RIF1: variants seen among roughly 807,000 people sequenced by gnomAD.
RIF1 encodes the protein replication timing regulatory factor 1, also known as telomere-associated protein RIF1.
Under a neutral mutation model 247.1 loss-of-function variants are expected in RIF1, and 45 were observed. The observed-to-expected ratio is 0.18, with a 90% confidence interval of 0.14 to 0.23. The LOEUF is 0.23. RIF1 is among the 10% of genes least tolerant of loss of function. The pLI is 1.00. For synonymous variants in RIF1, 1,087 were observed against 978.8 expected (o/e 1.11, Z -2.06); for missense variants, 2,967 against 2,862.5 (o/e 1.04, Z -0.83).
chr2:151,505,688 C>T, intron 12 of RIF1: 1 of 816,738 alleles, frequency 1.2e-6, no homozygotes, highest in Non-Finnish European at 2.1e-6. Flanking sequence ...GTAAATAACG[C>T]AGGCTTTATA....
At position 151,438,688 on chromosome 2, in the gene RIF1, G is replaced by C; in HGVS notation, c.1488G>C (p.Val496=). The C allele has an allele frequency of 1.9e-6, 3 of 1,610,480 alleles. No individual in the cohort carries two copies. Among genetic ancestry groups the C allele is most frequent in the East Asian group, 2.2e-5 (1 of 44,820 alleles). ...CAAGTTTATTTTGTTTGACAGATGT[G>C]GTTGTCAGTGCTATCTGGAAGGAGC... The part of the protein sequence containing the change: ...FVAVGKDAPD[V]VVSAIWKELI... Residue 496 remains valine, a synonymous_variant, in exon 14 of 36, where the codon GTG becomes GTC. Coordinates refer to ENST00000444746, the MANE Select transcript of RIF1 (RefSeq NM_018151.5).
chr2:151,436,648 A>G (rs1347629981), intron 11 of RIF1, among the ~76,000 whole-genome samples, 179 bp from the exon 12 acceptor site: 1 of 151,978 alleles, frequency 6.6e-6, no homozygotes, highest in South Asian at 2.1e-4. Context: ...TTTGTTTGCC[A>G]TCTGAGTCTT....
chr2:151,479,707 C>G lies in RIF1; in HGVS notation c.*4636C>G, dbSNP rs1420818129. The stretch of plus-strand genomic sequence containing the variant: ...AGATGGAGTTGAATAATATGATTCT[C>G]GAAAAGTGAGTTTTTCTTGGAATTC... On this transcript the variant is annotated 3_prime_UTR_variant, in exon 36 of 36. Coordinates refer to ENST00000444746, the MANE Select transcript of RIF1 (RefSeq NM_018151.5). The G allele has an allele frequency of 6.6e-6, 1 of 152,008 alleles. No individual in the cohort carries two copies. The highest frequency in any genetic ancestry group is 1.5e-5 in the Non-Finnish European group (1 of 68,000). The allele number at this position is 152,008 out of a possible 1,614,324, so 9.4% of individuals were successfully genotyped here.
At chr2:151,486,958 AAAATT>A (rs1282277944), downstream of RIF1, among the ~76,000 whole-genome samples, 8 of 152,226 alleles carry the variant, frequency 5.3e-5, no homozygotes, top group East Asian at 1.2e-3. Context: ...AAAGTATTCT[AAAATT>A]AGATTATGGA....
the RIF1 span, chr2:151,514,839 A>G: frequency 1.3e-5 from 21 of 1,580,704 alleles, no homozygotes; most frequent in Non-Finnish European, 1.5e-5. Context: ...TTTTAGTTGC[A>G]TATTTGACAT....
At chr2:151,495,884 T>C (rs1202482051) in intron 10 of RIF1, among the ~76,000 whole-genome samples, 7 of 152,260 alleles carry the variant, frequency 4.6e-5, no homozygotes, top group East Asian at 3.9e-4. Context: ...CCTGAAGTCA[T>C]TGACACAAAA....
At chr2:151,440,365 G>A (rs1242074015) in intron 15 of RIF1, among the ~76,000 whole-genome samples, 2 of 151,962 alleles carry the variant, frequency 1.3e-5, no homozygotes, top group African/African-American at 2.4e-5. Context: ...AAAAGTATCC[G>A]CCATACAGAG....
At chr2:151,471,952 A>G (rs986899111) in intron 34 of RIF1, among the ~76,000 whole-genome samples, 16 of 152,282 alleles carry the variant, frequency 1.1e-4, no homozygotes, top group African/African-American at 3.8e-4. Flanking sequence ...TCTATAAATT[A>G]CCTTGGGCAG....
Position 151,461,316 on chromosome 2 carries a change from G to C in RIF1, c.3227+27G>C, listed in dbSNP as rs201028450. On this transcript the variant is annotated intron_variant, in intron 27 of 35. Coordinates refer to ENST00000444746, the MANE Select transcript of RIF1 (RefSeq NM_018151.5). ...TTTGTAGGCCTTTTATCTTGAGTTG[G>C]GTATTTGGTATTCAGGCTTAGATTT... is the stretch of plus-strand genomic sequence containing the variant. 1.2e-5 allele frequency: 19 copies of C among 1,602,220 alleles called. No homozygotes were observed. The East Asian group carries it at 3.8e-4, about 32-fold the overall frequency.
At chr2:151,451,513 G>A in intron 20 of RIF1, 93 bp from the exon 21 acceptor site, 1 of 703,906 alleles carries the variant, frequency 1.4e-6, no homozygotes, top group Non-Finnish European at 2.6e-6. Flanking sequence ...GGATATATGG[G>A]AGTAACAGTC....
At position 151,413,700 on chromosome 2, in the gene RIF1, T is replaced by C. The variant is rs548412631; in HGVS notation, c.184-1123T>C. On this transcript the variant is annotated intron_variant, in intron 3 of 35. Coordinates refer to ENST00000444746, the MANE Select transcript of RIF1 (RefSeq NM_018151.5). ...TTGCTTACAACTGGTTGCTGTGCTA[T>C]ATCCCTTACATTCTGTACTCTAGGA... Among the ~76,000 whole-genome samples, 4 of 152,378 alleles carry C rather than the reference T, an allele frequency of 2.6e-5. No homozygotes were observed. In the South Asian group the frequency reaches 8.3e-4, roughly 32 times the overall value.
At position 151,463,230 on chromosome 2, in the gene RIF1, C is replaced by T. The variant is rs1418651120; in HGVS notation, c.3710C>T (p.Pro1237Leu). 6.2e-7 allele frequency: 1 copy of T among 1,613,898 alleles called. No individual in the cohort carries two copies. The highest frequency in any genetic ancestry group is 1.1e-5 in the South Asian group (1 of 91,058). The change falls in exon 30 of 36, where the codon CCA becomes CTA. Residue 1237 changes from proline to leucine, a missense_variant. Transcript: ENST00000444746. ...FDGSENRPFS[P>L]SPLNNISSTV... Reference sequence around the variant, plus strand: ...GGTTCAGAAAATAGACCTTTTAGTCCATCCCCCTTGAATAATATTTCATCA... The same window carrying T: ...GGTTCAGAAAATAGACCTTTTAGTCTATCCCCCTTGAATAATATTTCATCA...
In RIF1 at chr2:151,462,721, CTG is replaced by C. The variant is rs571332868; in HGVS notation, c.3364-161_3364-160del. On this transcript the variant is annotated intron_variant, in intron 29 of 35. Transcript: ENST00000444746. ...GAATATTTACAATTAGGAACACAAA[CTG>C]TTAGGTATCTACCACTAACTTTGGA... Among the ~76,000 whole-genome samples, 213 of 152,206 alleles carry C rather than the reference CTG, an allele frequency of 1.4e-3. 1 individual carries two copies. The highest frequency in any genetic ancestry group is 5.1e-3 in the African/African-American group (211 of 41,532).
At chr2:151,513,516 C>T in the RIF1 span, 2 of 1,151,014 alleles carry the variant, frequency 1.7e-6, no homozygotes, top group African/African-American at 3.1e-5. Flanking sequence ...GACAGAGGGA[C>T]ACTTTATGTC....
rs1444362993 is a variant in RIF1, at chr2:151,457,816, C to T, written c.2708C>T (p.Thr903Ile). ...TGTCTGCAATTCAGCTACACCGGAA[C>T]TTATGATAGTGAACTTCTTGAACAA... Reference protein sequence around the residue: ...IACLQFSYTGTYDSELLEQLS... With the variant: ...IACLQFSYTGIYDSELLEQLS... The change falls in exon 24 of 36, where the codon ACT (threonine) becomes ATT (isoleucine). Residue 903 changes from threonine to isoleucine, a missense_variant. Physicochemically the swap from Thr to Ile is moderately conservative, Grantham distance 89 (BLOSUM62 -1). This residue lies in a region of RIF1 where 2,028 missense variants were observed against 1,825.6 expected (regional missense o/e 1.11). Coordinates refer to ENST00000444746, the MANE Select transcript of RIF1 (RefSeq NM_018151.5). 3 of 1,613,686 alleles carry T rather than the reference C, an allele frequency of 1.9e-6. No homozygotes were observed. In the African/African-American group the frequency reaches 4.0e-5, roughly 22 times the overall value.
chr2:151,526,104 G>A, the RIF1 span: 1 of 1,611,118 alleles, frequency 6.2e-7, no homozygotes, highest in Non-Finnish European at 8.5e-7. Context: ...TAAGGCATCT[G>A]CCTGGGGCGT....
chr2:151,453,579 CAAA>C lies in RIF1; in HGVS notation c.2345-1295_2345-1293del, dbSNP rs59661470. On this transcript the variant is annotated intron_variant, in intron 21 of 35. Coordinates refer to ENST00000444746, the MANE Select transcript of RIF1 (RefSeq NM_018151.5). ...TGGGCAACAGAGCTAGACTCTGTCTCAAAAAAAAAAAAAAAAAAAAAAAGGCAA... is the reference window on the plus strand; with the variant it reads ...TGGGCAACAGAGCTAGACTCTGTCTCAAAAAAAAAAAAAAAAAAAAGGCAA... 4.3e-3 allele frequency among the ~76,000 whole-genome samples: 310 copies of C among 72,854 alleles called. 2 individuals carry two copies. Among genetic ancestry groups the C allele is most frequent in the Middle Eastern group, 0.037 (5 of 136 alleles). 47.8% of individuals were successfully genotyped at this position (72,854 alleles called of 152,430 possible). A position where few individuals can be genotyped will look rare whatever the true frequency, so the allele number is the denominator to read the frequency against.
intron 14 of RIF1, 52 bp from the exon 15 acceptor site, chr2:151,439,975 A>T: frequency 2.6e-6 from 1 of 390,566 alleles, no homozygotes; most frequent in Non-Finnish European, 4.3e-6. Flanking sequence ...CCTGTCTCAA[A>T]AAAAAAAAAA....
At chr2:151,513,495 A>G in the RIF1 span, 1 of 963,546 alleles carries the variant, frequency 1.0e-6, no homozygotes, top group Non-Finnish European at 1.6e-6. Flanking sequence ...ACTGTCACCA[A>G]TAAATCAGAT....
Sources: gnomAD v4.1 joint callset for allele counts (sites outside exome capture counted in the v4.1 genomes callset) on GRCh38, gnomAD v4.1.1 for gene constraint, gnomAD v4.1.1 regional missense constraint, MANE v1.5 for transcripts, NCBI Gene and HGNC (gene_info 2026-07-23, HGNC 2026-07-21) for gene names.